The following ANKDD1B variants were observed in gnomAD, a reference collection of about 807,000 sequenced individuals.
The protein encoded by ANKDD1B is ankyrin repeat and death domain-containing protein 1B.
In ANKDD1B, 57 loss-of-function variants were observed where a neutral mutation model predicts 59.7. The ratio of observed to expected loss-of-function variants is 0.95; its 90% CI spans 0.77 to 1.19. The LOEUF (loss-of-function observed/expected upper bound fraction) is 1.19, where lower values mean the gene tolerates loss of function less well. Ranked by LOEUF, ANKDD1B falls within the 50% of genes most tolerant of loss-of-function variation. The probability of loss-of-function intolerance (pLI) is 0.00; values close to 1 mark genes in which losing one functional copy is unlikely to be tolerated. For missense variants in ANKDD1B, 602 were observed against 641.9 expected, an observed-to-expected ratio of 0.94 and a Z score of 0.67; for synonymous variants, 216 against 239.5, an observed-to-expected ratio of 0.90 and a Z score of 0.91.
intron 7 of ANKDD1B, among the ~76,000 whole-genome samples, chr5:75,649,955 A>G (rs1160167472): frequency 6.6e-6 from 1 of 152,212 alleles, no homozygotes; most frequent in African/African-American, 2.4e-5. Context: ...ACTATCTAAA[A>G]TAGTGCCTGG....
At chr5:75,612,023 C>G (rs1469260946) in intron 1 of ANKDD1B, among the ~76,000 whole-genome samples, 196 bp downstream of exon 1, 1 of 152,146 alleles carries the variant, frequency 6.6e-6, no homozygotes, top group African/African-American at 2.4e-5. Context: ...GGAATCCACC[C>G]CCACCATGTA....
chr5:75,658,756 A>T (rs918595999), intron 9 of ANKDD1B, among the ~76,000 whole-genome samples: 7 of 152,154 alleles, frequency 4.6e-5, no homozygotes, highest in Middle Eastern at 3.2e-3. Context: ...TTTTATTTTT[A>T]AAAAATCTTC....
At chr5:75,626,898 T>C (rs1774010670) in intron 5 of ANKDD1B, among the ~76,000 whole-genome samples, 1 of 152,194 alleles carries the variant, frequency 6.6e-6, no homozygotes, top group African/African-American at 2.4e-5. Flanking sequence ...TCCTTTTCTC[T>C]GTGCCACCAG....
chr5:75,665,501 C>T (rs572450055), intron 11 of ANKDD1B, among the ~76,000 whole-genome samples: 5 of 151,150 alleles, frequency 3.3e-5, no homozygotes, highest in Non-Finnish European at 7.4e-5. Flanking sequence ...GCTGGAGCTC[C>T]CCATCCTCAA....
chr5:75,612,448 G>A (rs1773594944), intron 1 of ANKDD1B, among the ~76,000 whole-genome samples: 1 of 146,032 alleles, frequency 6.8e-6, no homozygotes, highest in African/African-American at 2.5e-5. Flanking sequence ...TCCCACCTCA[G>A]CCTTCCCAGT....
chr5:75,616,815 G>T lies in ANKDD1B; in HGVS notation c.205G>T (p.Glu69Ter), dbSNP rs1199465138. ...VAGHELLLPNERSFQNAAKSN... is the reference protein window; with the variant it reads ...VAGHELLLPN Reference sequence around the variant, plus strand: ...TTGCTTTCTTTCAGTACTCCCAAATGAGAGAAGCTTTCAGAATGCTGCTAA... The same window carrying T: ...TTGCTTTCTTTCAGTACTCCCAAATTAGAGAAGCTTTCAGAATGCTGCTAA... Residue 69 changes from glutamate (E) to a stop codon, truncating the protein, a stop_gained, in exon 2 of 14, where the codon GAG (glutamate) becomes TAG (stop). Transcript: ENST00000601380. LOFTEE classifies it high-confidence loss of function. The T allele has an allele frequency of 2.0e-6, 3 of 1,517,536 alleles. No homozygotes were observed. Among genetic ancestry groups the T allele is most frequent in the Admixed American group, 4.0e-5 (2 of 50,200 alleles). The allele number at this position is 1,517,536 out of a possible 1,614,324, so 94.0% of individuals were successfully genotyped here. A position where few individuals can be genotyped will look rare whatever the true frequency, so the allele number is the denominator to read the frequency against.
At chr5:75,630,458 A>G (rs774423845) in intron 5 of ANKDD1B, among the ~76,000 whole-genome samples, 4 of 152,224 alleles carry the variant, frequency 2.6e-5, no homozygotes, top group Non-Finnish European at 5.9e-5. Context: ...GTTCAAACTA[A>G]TAGTGTTTCC....
chr5:75,634,672 G>C, intron 5 of ANKDD1B: 2 of 445,210 alleles, frequency 4.5e-6, no homozygotes, highest in Admixed American at 3.4e-5. Context: ...AACAGTATTT[G>C]TGTGCCACCA....
intron 10 of ANKDD1B, among the ~76,000 whole-genome samples, chr5:75,660,315 C>CT (rs1775098267): frequency 6.6e-6 from 1 of 152,180 alleles, no homozygotes; most frequent in African/African-American, 2.4e-5. Context: ...TTTGACCACT[C>CT]TAAGTACCTC....
intron 11 of ANKDD1B, among the ~76,000 whole-genome samples, chr5:75,664,981 G>A (rs879515815): frequency 5.9e-5 from 9 of 151,776 alleles, no homozygotes; most frequent in Admixed American, 2.6e-4. Context: ...TTATATCCTC[G>A]CCTAATATAA....
At chr5:75,651,471 G>A (rs527356376) in intron 7 of ANKDD1B, among the ~76,000 whole-genome samples, 1 of 152,348 alleles carries the variant, frequency 6.6e-6, no homozygotes, top group African/African-American at 2.4e-5. Flanking sequence ...AGCAAAGACA[G>A]CTGAGCACAG....
intron 1 of ANKDD1B, among the ~76,000 whole-genome samples, chr5:75,612,322 C>CCCCCGCCCTCCGCCACG (rs1554066233): frequency 1.1e-5 from 1 of 90,298 alleles, no homozygotes. Flanking sequence ...GCCCCCGCCC[C>CCCCCGCCCTCCGCCACG]CCCCCGCCCT....
chr5:75,666,723 A>G (rs938136029), intron 11 of ANKDD1B, 69 bp from the exon 12 acceptor site: 3 of 1,175,034 alleles, frequency 2.6e-6, no homozygotes, highest in African/African-American at 1.5e-5. Flanking sequence ...TGAAAAACAT[A>G]TATACTCTGA....
chr5:75,616,672 T>G, intron 1 of ANKDD1B, 132 bp from the exon 2 acceptor site: 1 of 490,048 alleles, frequency 2.0e-6, no homozygotes, highest in Middle Eastern at 2.9e-4. Context: ...TGAAGCGAAG[T>G]TCCCATGTCT....
intron 7 of ANKDD1B, among the ~76,000 whole-genome samples, chr5:75,646,890 T>C (rs1246786911): frequency 2.5e-5 from 2 of 80,268 alleles, no homozygotes; most frequent in African/African-American, 2.5e-4. Flanking sequence ...ATGGTACTGG[T>C]ACCAAAACAG....
At chr5:75,626,232 C>T (rs953844202) in intron 5 of ANKDD1B, among the ~76,000 whole-genome samples, 1 of 152,164 alleles carries the variant, frequency 6.6e-6, no homozygotes, top group African/African-American at 2.4e-5. Flanking sequence ...TGGATAGTAT[C>T]CTATCCCCTC....
At chr5:75,618,118 A>G (rs773572070) in intron 2 of ANKDD1B, among the ~76,000 whole-genome samples, 7 of 152,300 alleles carry the variant, frequency 4.6e-5, no homozygotes, top group Middle Eastern at 3.4e-3. Flanking sequence ...AAGAAAAAAA[A>G]AGAAAGGAAT....
At chr5:75,625,990 AC>A in intron 5 of ANKDD1B, 35 bp downstream of exon 5, 1 of 1,407,604 alleles carries the variant, frequency 7.1e-7, no homozygotes, top group South Asian at 1.2e-5. Context: ...TCTTGCATAC[AC>A]CCCTATCAAA....
chr5:75,631,371 G>C (rs924451), intron 5 of ANKDD1B, among the ~76,000 whole-genome samples: 4,040 of 152,282 alleles, frequency 0.027, 178 homozygotes, highest in African/African-American at 0.091. Context: ...AGCATAGATT[G>C]TGATAAAATT....
Sources: gnomAD v4.1 joint callset for allele counts (sites outside exome capture counted in the v4.1 genomes callset) on GRCh38, gnomAD v4.1.1 for gene constraint, MANE v1.5 for transcripts, NCBI Gene and HGNC (gene_info 2026-07-23, HGNC 2026-07-21) for gene names.